Variants in DPAGT1 observed in about 807,000 individuals in gnomAD.
DPAGT1 encodes UDP-N-acetylglucosamine--dolichyl-phosphate N-acetylglucosaminephosphotransferase.
A neutral mutation model predicts 39.3 loss-of-function variants in DPAGT1; 25 were observed. The ratio of observed to expected loss-of-function variants is 0.64; its 90% CI spans 0.46 to 0.89. The LOEUF (loss-of-function observed/expected upper bound fraction) is 0.89. Among genes scored for constraint, DPAGT1 ranks in the 40% least tolerant of loss-of-function variants. The probability of loss-of-function intolerance (pLI) is 0.00; values close to 1 mark genes in which losing one functional copy is unlikely to be tolerated. For synonymous variants in DPAGT1, 193 were observed against 201.4 expected (o/e 0.96, Z 0.36); for missense variants, 381 against 500.6 (o/e 0.76, Z 2.28).
At position 119,096,728 on chromosome 11, in the gene DPAGT1, C is replaced by A; in HGVS notation, c.*270G>T. 1.8e-6 allele frequency: 1 copy of A among 547,104 alleles called. No individual in the cohort carries two copies. The highest frequency in any genetic ancestry group is 3.3e-6 in the Non-Finnish European group (1 of 304,856). The allele number at this position is 547,104 out of a possible 1,614,324, so 33.9% of individuals were successfully genotyped here. On this transcript the variant is annotated 3_prime_UTR_variant, in exon 9 of 9. Coordinates refer to ENST00000354202, the MANE Select transcript of DPAGT1 (RefSeq NM_001382.4). ...AACTGCAAAAAAAGCTGCTGTATCC[C>A]ACCCTATGAGGCTGCAAAGATGGGA...
chr11:119,097,575 G>A lies in DPAGT1; in HGVS notation c.918-24C>T. On this transcript the variant is annotated intron_variant, in intron 6 of 8. Coordinates refer to ENST00000354202, the MANE Select transcript of DPAGT1 (RefSeq NM_001382.4). The surrounding 1 kb of genome is among the most constrained non-coding windows in gnomAD (Gnocchi z 4.6). Reference sequence around the variant, plus strand: ...GTCTGCGGGGGGAAGATAGCTTCATGTGACTGGGCCACTATTTGAACCCTC... The same window carrying A: ...GTCTGCGGGGGGAAGATAGCTTCATATGACTGGGCCACTATTTGAACCCTC... 4 of 1,613,262 alleles carry A rather than the reference G, an allele frequency of 2.5e-6. No individual in the cohort carries two copies. The highest frequency in any genetic ancestry group is 1.3e-5 in the African/African-American group (1 of 75,038).
At chr11:119,100,027 A>C (rs1342913046) in intron 4 of DPAGT1, among the ~76,000 whole-genome samples, 1 of 152,182 alleles carries the variant, frequency 6.6e-6, no homozygotes, top group East Asian at 1.9e-4. Flanking sequence ...TTTATATTCA[A>C]TGGGAGAAGA....
chr11:119,099,440 A>G (rs11217151), intron 4 of DPAGT1, among the ~76,000 whole-genome samples: 1 of 144,942 alleles, frequency 6.9e-6, no homozygotes. Context: ...AAAAAAAAAA[A>G]GAAAAGAAAA....
At chr11:119,094,278 A>AT (rs1229867149), downstream of DPAGT1, 1 of 152,300 alleles carries the variant, frequency 6.6e-6, no homozygotes, top group Admixed American at 6.5e-5. Context: ...ATGAAGATGG[A>AT]GGGAGAGCTG....
chr11:119,101,477 C>T lies in DPAGT1; in HGVS notation c.161+18G>A. The stretch of plus-strand genomic sequence containing the variant: ...CTTAGCCCTTGCCCCCTGCCCGGAC[C>T]CGTGTGCCGCTGCTCACATCTGCTG... On this transcript the variant is annotated intron_variant, in intron 1 of 8. Coordinates refer to ENST00000354202, the MANE Select transcript of DPAGT1 (RefSeq NM_001382.4). 1 of 1,613,968 alleles carries T rather than the reference C, an allele frequency of 6.2e-7. No individual in the cohort carries two copies. The highest frequency in any genetic ancestry group is 1.1e-5 in the South Asian group (1 of 91,070).
intron 3 of DPAGT1, 93 bp from the exon 4 acceptor site, chr11:119,100,501 T>C (rs1349064855): frequency 1.2e-6 from 2 of 1,602,860 alleles, no homozygotes; most frequent in Non-Finnish European, 1.7e-6. Context: ...GACGATAGGA[T>C]GAAGGGCTAC....
downstream of DPAGT1, chr11:119,095,265 C>T (rs1220819431): frequency 1.2e-6 from 2 of 1,613,360 alleles, no homozygotes; most frequent in Admixed American, 1.7e-5. Context: ...CCGGCGCCAA[C>T]GCGCTCGGCG....
rs372775674 is a variant in DPAGT1 at position 119,098,059 on chromosome 11, G to C, written c.729-16C>G. The C allele has an allele frequency of 1.2e-5, 19 of 1,613,686 alleles. No individual in the cohort carries two copies. The highest frequency in any genetic ancestry group is 1.6e-5 in the Non-Finnish European group (19 of 1,179,970). On this transcript the variant is annotated splice_polypyrimidine_tract_variant and intron_variant, in intron 5 of 8. Coordinates refer to ENST00000354202, the MANE Select transcript of DPAGT1 (RefSeq NM_001382.4). ...TGATGGGTACCTGTGTGGGGGAAGA[G>C]GATCCGAGCCAGTGGCAAGAGGCAT...
At chr11:119,100,196 A>G in intron 4 of DPAGT1, 66 bp downstream of exon 4, 11 of 1,611,432 alleles carry the variant, frequency 6.8e-6, no homozygotes, top group Non-Finnish European at 9.3e-6. Context: ...GAATTTCCCA[A>G]AGTCATATAT....
chr11:119,097,917 G>A lies in DPAGT1; in HGVS notation c.855C>T (p.Asn285=). The change falls in exon 6 of 9, where the codon AAC becomes AAT. Residue 285 remains asparagine (N), a synonymous_variant. Coordinates refer to ENST00000354202, the MANE Select transcript of DPAGT1 (RefSeq NM_001382.4). The surrounding 1 kb of genome is among the most constrained non-coding windows in gnomAD (Gnocchi z 4.6). ...MLLFFMPQVF[N]FLYSLPQLLH... ...GGAGCTGAGGCAGTGAGTAGAGGAA[G>A]TTGAACACCTGGGGCATGAAGAATA... The A allele has an allele frequency of 6.2e-7, 1 of 1,614,202 alleles. No homozygotes were observed. Among genetic ancestry groups the A allele is most frequent in the Admixed American group, 1.7e-5 (1 of 60,022 alleles).
intron 1 of DPAGT1, 126 bp from the exon 2 acceptor site, chr11:119,101,264 G>T: frequency 7.1e-7 from 1 of 1,417,478 alleles, no homozygotes; most frequent in East Asian, 2.4e-5. Context: ...TAAGTGGTGA[G>T]GGGGGCGGAG....
intron 4 of DPAGT1, among the ~76,000 whole-genome samples, chr11:119,099,477 G>C (rs2134907213): frequency 6.6e-6 from 1 of 150,388 alleles, no homozygotes. Context: ...CTATGATCAA[G>C]CATTTTAATG....
In DPAGT1 at chr11:119,097,207, A is replaced by T; in HGVS notation, c.1096T>A (p.Leu366Met). Reference protein sequence around the residue: ...TECNNMTLINLLLKVLGPIHE... With the variant: ...TECNNMTLINMLLKVLGPIHE... ...ATGGGCCCAAGGACTTTAAGTAGCA[A>T]GTTGATGAGGGTCATGTTGTTACAT... The change falls in exon 8 of 9, where the codon TTG (leucine) becomes ATG (methionine). Residue 366 changes from leucine to methionine, a missense_variant. Coordinates refer to ENST00000354202, the MANE Select transcript of DPAGT1 (RefSeq NM_001382.4). This position sits in a 1 kb window ranked among gnomAD's most constrained non-coding sequence, Gnocchi z 4.6. 6.2e-7 allele frequency: 1 copy of T among 1,614,206 alleles called. No homozygotes were observed. The highest frequency in any genetic ancestry group is 8.5e-7 in the Non-Finnish European group (1 of 1,180,040).
chr11:119,095,360 C>T (rs1266641632), downstream of DPAGT1: 2 of 1,582,228 alleles, frequency 1.3e-6, no homozygotes, highest in Non-Finnish European at 1.7e-6. Context: ...GGCCTTGGCG[C>T]GGGCCTTGCC....
chr11:119,097,394 A>T lies in DPAGT1; in HGVS notation c.1005+70T>A, dbSNP rs147104217. ...TTCAAGTTCCCCTTGGATCTGATGT[A>T]GGACTAGGTTCCCCATTCCTCAAGG... On this transcript the variant is annotated intron_variant, in intron 7 of 8. Coordinates refer to ENST00000354202, the MANE Select transcript of DPAGT1 (RefSeq NM_001382.4). The surrounding 1 kb of genome is among the most constrained non-coding windows in gnomAD (Gnocchi z 4.6). The T allele has an allele frequency of 1.7e-4, 279 of 1,611,880 alleles. No homozygotes were observed. In the African/African-American group the frequency reaches 3.2e-3, roughly 19 times the overall value.
chr11:119,095,281 G>A (rs956154577), downstream of DPAGT1: 9 of 1,612,794 alleles, frequency 5.6e-6, no homozygotes, highest in Non-Finnish European at 7.6e-6. Flanking sequence ...CGGCGTAGTG[G>A]CCCTTCCGCA....
At position 119,096,733 on chromosome 11, in the gene DPAGT1, T is replaced by C. The variant is rs28990974; in HGVS notation, c.*265A>G. 360 of 558,088 alleles carry C rather than the reference T, an allele frequency of 6.5e-4. 4 individuals carry two copies. Among genetic ancestry groups the C allele is most frequent in the East Asian group, 5.6e-3 (179 of 32,166 alleles). 34.6% of individuals were successfully genotyped at this position (558,088 alleles called of 1,614,324 possible). A position where few individuals can be genotyped will look rare whatever the true frequency, so the allele number is the denominator to read the frequency against. Reference sequence around the variant, plus strand: ...CAAAAAAAGCTGCTGTATCCCACCCTATGAGGCTGCAAAGATGGGATGGAG... The same window carrying C: ...CAAAAAAAGCTGCTGTATCCCACCCCATGAGGCTGCAAAGATGGGATGGAG... On this transcript the variant is annotated 3_prime_UTR_variant, in exon 9 of 9. Coordinates refer to ENST00000354202, the MANE Select transcript of DPAGT1 (RefSeq NM_001382.4).
At chr11:119,095,188 A>G, downstream of DPAGT1, 2 of 1,613,914 alleles carry the variant, frequency 1.2e-6, no homozygotes, top group South Asian at 1.1e-5. Flanking sequence ...CGCGGGCCGC[A>G]TTGCCCGCCA....
At chr11:119,098,299 G>T in intron 5 of DPAGT1, 104 bp downstream of exon 5, 1 of 1,313,308 alleles carries the variant, frequency 7.6e-7, no homozygotes, top group South Asian at 1.2e-5. Context: ...AAACTCCATA[G>T]AGGTATGCGC....
Sources: gnomAD v4.1 joint callset for allele counts (sites outside exome capture counted in the v4.1 genomes callset) on GRCh38, gnomAD v4.1.1 for gene constraint, Gnocchi (gnomAD v3.1) non-coding constraint, MANE v1.5 for transcripts, NCBI Gene and HGNC (gene_info 2026-07-23, HGNC 2026-07-21) for gene names.